Variants in RFX3 observed in about 807,000 individuals in gnomAD.
RFX3 encodes the protein regulatory factor X3.
A neutral mutation model predicts 98.6 loss-of-function variants in RFX3; 14 were observed. The observed-to-expected ratio is 0.14, with a 90% confidence interval of 0.09 to 0.22. The LOEUF (loss-of-function observed/expected upper bound fraction) is 0.22, where lower values mean the gene tolerates loss of function less well. Among genes scored for constraint, RFX3 ranks in the 10% least tolerant of loss-of-function variants. The probability of loss-of-function intolerance (pLI) is 1.00; values close to 1 mark genes in which losing one functional copy is unlikely to be tolerated. For missense variants in RFX3, 639 were observed against 926.9 expected (o/e 0.69, Z 4.03); for synonymous variants, 383 against 328.4 (o/e 1.17, Z -1.80).
intron 15 of RFX3, among the ~76,000 whole-genome samples, chr9:3,242,069 T>C (rs555964829): frequency 6.6e-6 from 1 of 152,306 alleles, no homozygotes; most frequent in East Asian, 1.9e-4. Flanking sequence ...GGTGAAAAAC[T>C]GAAAGATAGA....
chr9:3,409,682 A>T (rs1842291327), intron 1 of RFX3, among the ~76,000 whole-genome samples: 1 of 152,234 alleles, frequency 6.6e-6, no homozygotes, highest in African/African-American at 2.4e-5. Flanking sequence ...TTTATGTTTC[A>T]GCAAACTGAT....
intron 5 of RFX3, 149 bp downstream of exon 5, chr9:3,301,397 C>A: frequency 2.0e-6 from 1 of 497,656 alleles, no homozygotes; most frequent in Non-Finnish European, 3.7e-6. Context: ...TACAAAATAG[C>A]CATTAAATGA....
chr9:3,351,435 A>G (rs925630972), intron 2 of RFX3, among the ~76,000 whole-genome samples: 15 of 151,986 alleles, frequency 9.9e-5, no homozygotes, highest in African/African-American at 3.4e-4. Flanking sequence ...AGAAACATTC[A>G]AGAGCCAGAT....
chr9:3,453,092 A>G (rs924200118), intron 1 of RFX3, among the ~76,000 whole-genome samples: 2 of 152,102 alleles, frequency 1.3e-5, no homozygotes, highest in African/African-American at 4.8e-5. Context: ...AGACTGTTGG[A>G]AAGATTAAAT....
At chr9:3,493,488 T>A (rs1483602495) in intron 1 of RFX3, among the ~76,000 whole-genome samples, 1 of 151,586 alleles carries the variant, frequency 6.6e-6, no homozygotes, top group Non-Finnish European at 1.5e-5. Flanking sequence ...ATCGAGACCA[T>A]TCTGGCTAAC....
intron 1 of RFX3, among the ~76,000 whole-genome samples, chr9:3,482,664 G>T (rs1165772236): frequency 6.6e-6 from 1 of 152,094 alleles, no homozygotes; most frequent in Non-Finnish European, 1.5e-5. Context: ...TCAAACGATG[G>T]ATTCAAAATC....
At chr9:3,471,751 T>A (rs1456988382) in intron 1 of RFX3, among the ~76,000 whole-genome samples, 4 of 152,222 alleles carry the variant, frequency 2.6e-5, no homozygotes, top group African/African-American at 9.7e-5. Context: ...GATGCCTAAT[T>A]TGGGAGTTTG....
intron 16 of RFX3, among the ~76,000 whole-genome samples, chr9:3,226,289 C>T (rs1441972462): frequency 1.3e-5 from 2 of 152,166 alleles, no homozygotes; most frequent in Non-Finnish European, 2.9e-5. Context: ...AAGATTTTAA[C>T]TTTACCACTT....
chr9:3,323,907 T>C (rs1033378679), intron 4 of RFX3: 6 of 297,266 alleles, frequency 2.0e-5, no homozygotes, highest in African/African-American at 1.3e-4. Flanking sequence ...GCTGGAGCAG[T>C]GTGGAACTGA....
intron 2 of RFX3, among the ~76,000 whole-genome samples, chr9:3,365,054 C>A (rs1464768771): frequency 6.6e-6 from 1 of 152,114 alleles, no homozygotes; most frequent in Non-Finnish European, 1.5e-5. Flanking sequence ...GTAATCCCAG[C>A]ACTTCGGGAG....
intron 1 of RFX3, among the ~76,000 whole-genome samples, chr9:3,495,930 A>G (rs1162654942): frequency 1.3e-5 from 2 of 152,090 alleles, no homozygotes; most frequent in African/African-American, 4.8e-5. Flanking sequence ...GAATATATTC[A>G]AACATAAACC....
intron 6 of RFX3, among the ~76,000 whole-genome samples, chr9:3,292,552 C>T (rs996629266): frequency 6.6e-6 from 1 of 152,068 alleles, no homozygotes; most frequent in Non-Finnish European, 1.5e-5. Flanking sequence ...TGCAAGTTTA[C>T]CAAATGATTT....
chr9:3,520,279 T>G lies in RFX3; in HGVS notation c.-9+5468A>C, dbSNP rs1818578506. Reference sequence around the variant, plus strand: ...CTAACACACATGAACTACTATGCCTTGTAAGCTTACTTTATAAAAATATCA... The same window carrying G: ...CTAACACACATGAACTACTATGCCTGGTAAGCTTACTTTATAAAAATATCA... On this transcript the variant is annotated intron_variant, in intron 1 of 16. Transcript: ENST00000617270. Among the ~76,000 whole-genome samples the G allele has an allele frequency of 2.6e-5, 4 of 152,236 alleles. No individual in the cohort carries two copies. The South Asian group carries it at 8.3e-4, about 31-fold the overall frequency.
intron 4 of RFX3, among the ~76,000 whole-genome samples, chr9:3,315,441 C>A (rs1330706526): frequency 6.6e-6 from 1 of 152,102 alleles, no homozygotes; most frequent in East Asian, 1.9e-4. Flanking sequence ...AAAATTGACA[C>A]CCTAACATCA....
intron 13 of RFX3, among the ~76,000 whole-genome samples, chr9:3,259,874 A>G (rs1278558758): frequency 6.6e-6 from 1 of 152,086 alleles, no homozygotes; most frequent in East Asian, 1.9e-4. Flanking sequence ...ATTGACACAC[A>G]TGTAATTTCA....
intron 3 of RFX3, among the ~76,000 whole-genome samples, chr9:3,338,892 A>G (rs1048339592): frequency 1.3e-5 from 2 of 152,164 alleles, no homozygotes; most frequent in Non-Finnish European, 2.9e-5. Context: ...GTTCGAGACC[A>G]CCGTGGCCAA....
intron 2 of RFX3, among the ~76,000 whole-genome samples, chr9:3,386,614 G>A (rs1839741812): frequency 6.6e-6 from 1 of 152,054 alleles, no homozygotes; most frequent in South Asian, 2.1e-4. Flanking sequence ...AGAAATACAA[G>A]AGGAAGCCCA....
intron 4 of RFX3, among the ~76,000 whole-genome samples, chr9:3,320,264 T>C (rs1445751933): frequency 6.6e-6 from 1 of 152,092 alleles, no homozygotes; most frequent in African/African-American, 2.4e-5. Flanking sequence ...AAGACATCTT[T>C]AGGATTGGCT....
intron 1 of RFX3, among the ~76,000 whole-genome samples, chr9:3,494,300 T>C (rs998014177): frequency 6.6e-6 from 1 of 152,184 alleles, no homozygotes; most frequent in Non-Finnish European, 1.5e-5. Flanking sequence ...GTTGTTGACC[T>C]GGAACCCCTT....
Sources: gnomAD v4.1 joint callset for allele counts (sites outside exome capture counted in the v4.1 genomes callset) on GRCh38, gnomAD v4.1.1 for gene constraint, MANE v1.5 for transcripts, NCBI Gene and HGNC (gene_info 2026-07-23, HGNC 2026-07-21) for gene names.